Variants in CSMD3 observed in about 807,000 individuals in gnomAD.
CSMD3 encodes the protein CUB and sushi domain-containing protein 3.
In CSMD3, 177 loss-of-function variants were observed where a neutral mutation model predicts 435.2. That is an observed-to-expected ratio of 0.41 (90% CI 0.36 to 0.46). CSMD3 has a LOEUF of 0.46. CSMD3 is among the 20% of genes least tolerant of loss of function. The pLI is 0.34. For synonymous variants in CSMD3, 1,656 were observed against 1,520.5 expected (o/e 1.09, Z -2.07); for missense variants, 4,265 against 4,504.6 (o/e 0.95, Z 1.52).
intron 10 of CSMD3, among the ~76,000 whole-genome samples, chr8:112,865,330 A>G (rs2080946729): frequency 1.3e-5 from 2 of 152,144 alleles, no homozygotes; most frequent in Admixed American, 6.6e-5. Context: ...TGCACAGAAT[A>G]TATCAACTGA....
chr8:112,586,760 T>C (rs1036551092), intron 23 of CSMD3, among the ~76,000 whole-genome samples: 2 of 151,316 alleles, frequency 1.3e-5, no homozygotes, highest in Non-Finnish European at 3.0e-5. Flanking sequence ...TATAATAATT[T>C]ATTAGACAAG....
intron 21 of CSMD3, among the ~76,000 whole-genome samples, chr8:112,637,812 GT>G (rs924381218): frequency 7.2e-5 from 11 of 151,966 alleles, no homozygotes; most frequent in Admixed American, 7.2e-4. Flanking sequence ...AACATTCTAG[GT>G]TATGTTCATT....
chr8:113,243,051 A>G (rs565172383), intron 3 of CSMD3, among the ~76,000 whole-genome samples: 3 of 152,010 alleles, frequency 2.0e-5, no homozygotes, highest in African/African-American at 2.4e-5. Context: ...GAAGTTATTA[A>G]AGCAATTTTA....
At chr8:113,349,796 T>C (rs998957202) in intron 1 of CSMD3, among the ~76,000 whole-genome samples, 4 of 152,068 alleles carry the variant, frequency 2.6e-5, no homozygotes, top group Non-Finnish European at 5.9e-5. Flanking sequence ...AACGATGTAG[T>C]ATGGTAGATT....
At chr8:112,908,704 C>T (rs2082327699) in intron 10 of CSMD3, among the ~76,000 whole-genome samples, 1 of 151,260 alleles carries the variant, frequency 6.6e-6, no homozygotes, top group South Asian at 2.1e-4. Flanking sequence ...ATTCATAGCC[C>T]AGAATAAATG....
At position 112,492,801 on chromosome 8, in the gene CSMD3, C is replaced by T. The variant is rs1340051805; in HGVS notation, c.5084-118G>A. The T allele has an allele frequency of 1.2e-4, 103 of 838,376 alleles. 2 individuals are homozygous for T. The South Asian group carries it at 1.3e-3, about 11-fold the overall frequency. 51.9% of individuals were successfully genotyped at this position (838,376 alleles called of 1,614,324 possible). A position where few individuals can be genotyped will look rare whatever the true frequency, so the allele number is the denominator to read the frequency against. ...GCAGATTGAAAATATTTGGAAAAAACTGTATCTGTACTGAATATATACAGA... is the reference window on the plus strand; with the variant it reads ...GCAGATTGAAAATATTTGGAAAAAATTGTATCTGTACTGAATATATACAGA... On this transcript the variant is annotated intron_variant, in intron 30 of 70. Coordinates refer to ENST00000297405, the MANE Select transcript of CSMD3 (RefSeq NM_198123.2).
At chr8:113,032,683 T>C (rs891062288) in intron 5 of CSMD3, among the ~76,000 whole-genome samples, 2 of 151,738 alleles carry the variant, frequency 1.3e-5, no homozygotes, top group African/African-American at 4.8e-5. Context: ...AAAACACATA[T>C]TCTGGGGAGG....
At chr8:113,402,062 C>A (rs994996366) in intron 1 of CSMD3, among the ~76,000 whole-genome samples, 1 of 151,514 alleles carries the variant, frequency 6.6e-6, no homozygotes, top group Non-Finnish European at 1.5e-5. Context: ...AAGGTTTTTA[C>A]TAAACACATC....
Position 112,904,049 on chromosome 8 carries a change from G to T in CSMD3, c.1633+17578C>A, listed in dbSNP as rs118046926. Among the ~76,000 whole-genome samples the T allele has an allele frequency of 1.8e-3, 265 of 151,376 alleles. 6 individuals are homozygous for T. The East Asian group carries it at 0.045, about 25-fold the overall frequency. ...ATGTAGGTCCTTCTTAAGAATAGGG[G>T]TCCATAATTTTAAACATTTAAACAA... On this transcript the variant is annotated intron_variant, in intron 10 of 70. Transcript: ENST00000297405.
chr8:112,785,769 C>T (rs865869146), intron 13 of CSMD3, among the ~76,000 whole-genome samples: 6 of 151,630 alleles, frequency 4.0e-5, no homozygotes, highest in South Asian at 2.1e-4. Context: ...AAAACATTTA[C>T]GCAAGACATT....
chr8:112,387,472 T>TGC (rs2129659983), intron 36 of CSMD3, among the ~76,000 whole-genome samples: 1 of 150,208 alleles, frequency 6.7e-6, no homozygotes, highest in Non-Finnish European at 1.5e-5. Context: ...ATTATGTGTG[T>TGC]GTGTGTGTGT....
chr8:112,431,057 T>C (rs372513759), intron 32 of CSMD3, among the ~76,000 whole-genome samples: 9 of 148,144 alleles, frequency 6.1e-5, no homozygotes, highest in East Asian at 5.8e-4. Context: ...TTAGAATTAT[T>C]GTTGTCAAGT....
At chr8:113,025,427 G>T (rs999621937) in intron 5 of CSMD3, among the ~76,000 whole-genome samples, 1 of 152,106 alleles carries the variant, frequency 6.6e-6, no homozygotes, top group Non-Finnish European at 1.5e-5. Context: ...AAAAACTTAC[G>T]GTAATAATGG....
chr8:113,061,532 T>C (rs1478651769), intron 5 of CSMD3, among the ~76,000 whole-genome samples: 1 of 152,138 alleles, frequency 6.6e-6, no homozygotes, highest in Non-Finnish European at 1.5e-5. Flanking sequence ...TTTCATGTGT[T>C]TTTGAATTGA....
intron 32 of CSMD3, among the ~76,000 whole-genome samples, chr8:112,422,071 A>G (rs1368582389): frequency 1.3e-5 from 2 of 152,172 alleles, no homozygotes; most frequent in Admixed American, 6.5e-5. Flanking sequence ...CCATTATCCT[A>G]TAGAGCATGG....
chr8:112,708,829 T>G (rs2131908040), intron 13 of CSMD3, among the ~76,000 whole-genome samples: 1 of 152,102 alleles, frequency 6.6e-6, no homozygotes, highest in Admixed American at 6.6e-5. Flanking sequence ...TTTTTCATGT[T>G]TCTTTCCACT....
chr8:112,291,841 T>C, intron 55 of CSMD3, 146 bp from the exon 56 acceptor site: 1 of 631,388 alleles, frequency 1.6e-6, no homozygotes, highest in Non-Finnish European at 2.7e-6. Flanking sequence ...TCCCATGGAT[T>C]ATCTAGAAAA....
At chr8:113,175,552 C>T (rs2092335200) in intron 3 of CSMD3, among the ~76,000 whole-genome samples, 1 of 151,728 alleles carries the variant, frequency 6.6e-6, no homozygotes, top group Admixed American at 6.6e-5. Context: ...TGTGAATTTT[C>T]AGTAAAACAA....
intron 3 of CSMD3, among the ~76,000 whole-genome samples, chr8:113,274,885 AG>A (rs1024886799): frequency 8.2e-6 from 1 of 122,082 alleles, no homozygotes; most frequent in African/African-American, 3.0e-5. Context: ...GGAGGGAGGG[AG>A]GGAGGGAGGC....
Sources: gnomAD v4.1 joint callset for allele counts (sites outside exome capture counted in the v4.1 genomes callset) on GRCh38, gnomAD v4.1.1 for gene constraint, MANE v1.5 for transcripts, NCBI Gene and HGNC (gene_info 2026-07-23, HGNC 2026-07-21) for gene names.